NRXN3: variants seen among roughly 807,000 people sequenced by gnomAD.
NRXN3 encodes the protein neurexin 3.
NRXN3 carries 32 observed loss-of-function variants against 137.6 expected under a neutral mutation model. The ratio of observed to expected loss-of-function variants is 0.23; its 90% confidence interval spans 0.18 to 0.31. The LOEUF (loss-of-function observed/expected upper bound fraction) is 0.31. Among genes scored for constraint, NRXN3 ranks in the 10% least tolerant of loss-of-function variants. NRXN3 has a pLI of 1.00. For synonymous variants in NRXN3, 798 were observed against 784.5 expected, an observed-to-expected ratio of 1.02 and a Z score of -0.29; for missense variants, 1,574 against 2,062.5, an observed-to-expected ratio of 0.76 and a Z score of 4.59.
intron 15 of NRXN3, among the ~76,000 whole-genome samples, chr14:79,378,734 A>G (rs1179462931): frequency 6.6e-6 from 1 of 152,138 alleles, no homozygotes; most frequent in East Asian, 1.9e-4. Flanking sequence ...TAAGCATTTA[A>G]TCATGTTTAT....
At chr14:79,611,928 G>A (rs1567661236) in intron 16 of NRXN3, 2 of 152,156 alleles carry the variant, frequency 1.3e-5, no homozygotes, top group African/African-American at 4.8e-5. Context: ...AAATAGTACT[G>A]TTGTCATTTC....
At chr14:78,914,151 C>G (rs886367438) in intron 10 of NRXN3, among the ~76,000 whole-genome samples, 9 of 152,180 alleles carry the variant, frequency 5.9e-5, no homozygotes, top group African/African-American at 2.2e-4. Flanking sequence ...AGGTCTCCAA[C>G]CAACACCTCA....
At chr14:79,860,270 A>G (rs974596842) in intron 20 of NRXN3, among the ~76,000 whole-genome samples, 1 of 152,228 alleles carries the variant, frequency 6.6e-6, no homozygotes, top group Non-Finnish European at 1.5e-5. Context: ...ATGGATATCT[A>G]GGCTGAGTAT....
intron 2 of NRXN3, among the ~76,000 whole-genome samples, chr14:78,264,443 G>A (rs1349135504): frequency 6.6e-6 from 1 of 152,166 alleles, no homozygotes; most frequent in Non-Finnish European, 1.5e-5. Flanking sequence ...GGACCAAAAA[G>A]GAAAAATCCT....
rs1419813405 is a variant in NRXN3, at chr14:78,882,299, G to A, written c.2275+71955G>A. On this transcript the variant is annotated intron_variant, in intron 10 of 20. Coordinates refer to ENST00000335750, the MANE Select transcript of NRXN3 (RefSeq NM_001330195.2). ...GTACTGACTAGTAGAACTGTGAGAA[G>A]AGGGCCACTGTCCTCCAGAACCCAG... Among the ~76,000 whole-genome samples, 3 of 151,748 alleles carry A rather than the reference G, an allele frequency of 2.0e-5. No individual in the cohort carries two copies. The East Asian group carries it at 5.8e-4, about 29-fold the overall frequency.
chr14:78,434,228 T>C (rs2153690326), intron 4 of NRXN3, among the ~76,000 whole-genome samples: 1 of 152,116 alleles, frequency 6.6e-6, no homozygotes, highest in African/African-American at 2.4e-5. Flanking sequence ...AGCTGAAAAA[T>C]TGTCAGTCAA....
At chr14:79,443,498 G>A (rs915165430) in intron 15 of NRXN3, among the ~76,000 whole-genome samples, 14 of 152,120 alleles carry the variant, frequency 9.2e-5, no homozygotes, top group Middle Eastern at 3.2e-3. Flanking sequence ...CTTGTACTAC[G>A]TCTTGCAGGA....
At chr14:78,339,237 T>G (rs2081878563) in intron 4 of NRXN3, among the ~76,000 whole-genome samples, 1 of 152,186 alleles carries the variant, frequency 6.6e-6, no homozygotes, top group African/African-American at 2.4e-5. Flanking sequence ...TAAATATATT[T>G]TCGCATGGGA....
At chr14:79,777,128 A>G (rs923276590) in intron 19 of NRXN3, among the ~76,000 whole-genome samples, 1 of 152,214 alleles carries the variant, frequency 6.6e-6, no homozygotes, top group Admixed American at 6.5e-5. Context: ...AATAAATAAT[A>G]GTATGGCTGG....
intron 20 of NRXN3, among the ~76,000 whole-genome samples, chr14:79,832,425 G>A (rs1038322933): frequency 6.6e-6 from 1 of 152,178 alleles, no homozygotes; most frequent in Non-Finnish European, 1.5e-5. Flanking sequence ...GTGTCTTTAT[G>A]ACCCTGAGCC....
intron 10 of NRXN3, among the ~76,000 whole-genome samples, chr14:78,860,008 G>A (rs2099068168): frequency 6.6e-6 from 1 of 152,122 alleles, no homozygotes; most frequent in African/African-American, 2.4e-5. Context: ...AGTTTTGGTA[G>A]GAAAGAACAT....
At chr14:79,065,999 T>C (rs2099680260) in intron 15 of NRXN3, among the ~76,000 whole-genome samples, 1 of 152,158 alleles carries the variant, frequency 6.6e-6, no homozygotes, top group Admixed American at 6.6e-5. Flanking sequence ...TTAGCTTAAT[T>C]AGATCCCATT....
intron 10 of NRXN3, among the ~76,000 whole-genome samples, chr14:78,877,194 T>C (rs1338966926): frequency 6.6e-6 from 1 of 152,204 alleles, no homozygotes; most frequent in African/African-American, 2.4e-5. Context: ...GATAAGTCAG[T>C]TAATCTTCTC....
chr14:78,718,710 A>G (rs1595124237), intron 8 of NRXN3, among the ~76,000 whole-genome samples: 1 of 152,178 alleles, frequency 6.6e-6, no homozygotes, highest in African/African-American at 2.4e-5. Context: ...TTGTATTTAG[A>G]TTTTTTTCAG....
At chr14:79,487,664 G>A (rs1359921979) in intron 16 of NRXN3, among the ~76,000 whole-genome samples, 1 of 146,036 alleles carries the variant, frequency 6.8e-6, no homozygotes, top group African/African-American at 2.7e-5. Context: ...AGGGTTACAG[G>A]GGTAACTGTC....
chr14:78,737,020 A>G (rs951063514), intron 8 of NRXN3, among the ~76,000 whole-genome samples: 1 of 152,176 alleles, frequency 6.6e-6, no homozygotes, highest in Non-Finnish European at 1.5e-5. Context: ...AGCACTTGGT[A>G]TATCCTCTCA....
intron 11 of NRXN3, among the ~76,000 whole-genome samples, chr14:78,959,778 G>A (rs1215852529): frequency 4.6e-5 from 7 of 152,144 alleles, no homozygotes; most frequent in Non-Finnish European, 1.0e-4. Context: ...AACTGTTGGT[G>A]CATCTGGATC....
chr14:78,711,686 C>T lies in NRXN3; in HGVS notation c.1660+2031C>T, dbSNP rs559065654. ...GAACTCCTGACCTCAGATGATCAAC[C>T]CATCTCGGCCTCCCAAAGTGCTGGG... On this transcript the variant is annotated intron_variant, in intron 7 of 20. Transcript: ENST00000335750. Among the ~76,000 whole-genome samples, 13 of 152,148 alleles carry T rather than the reference C, an allele frequency of 8.5e-5. No individual in the cohort carries two copies. In the South Asian group the frequency reaches 1.7e-3, roughly 19 times the overall value.
At chr14:78,175,846 C>T (rs2059213635) in intron 1 of NRXN3, among the ~76,000 whole-genome samples, 1 of 152,178 alleles carries the variant, frequency 6.6e-6, no homozygotes, top group Non-Finnish European at 1.5e-5. Flanking sequence ...TGCTTTCCAG[C>T]CCATGACACT....
Sources: allele counts gnomAD v4.1 joint callset (sites outside exome capture counted in the v4.1 genomes callset), GRCh38; gene constraint gnomAD v4.1.1; transcripts MANE v1.5; gene names NCBI Gene and HGNC (gene_info 2026-07-23, HGNC 2026-07-21).